Variants in LRRIQ1 observed in about 807,000 individuals in gnomAD.
LRRIQ1 encodes leucine rich repeats and IQ motif containing 1.
A neutral mutation model predicts 211.9 loss-of-function variants in LRRIQ1; 210 were observed. That is an observed-to-expected ratio of 0.99 (90% CI 0.89 to 1.11). The LOEUF (loss-of-function observed/expected upper bound fraction) is 1.11, where lower values mean the gene tolerates loss of function less well. LRRIQ1 is among the 50% of genes most tolerant of loss of function. The pLI, the probability that LRRIQ1 is intolerant of heterozygous loss-of-function variation, is 0.00. For missense variants in LRRIQ1, 2,136 were observed against 1,939.5 expected (o/e 1.10, Z -1.90); for synonymous variants, 699 against 650.1 (o/e 1.08, Z -1.14).
chr12:85,143,981 G>A lies in LRRIQ1; in HGVS notation c.4329+6012G>A, dbSNP rs146158291. 2.4e-4 allele frequency among the ~76,000 whole-genome samples: 37 copies of A among 151,600 alleles called. No homozygotes were observed. In the East Asian group the frequency reaches 4.5e-3, roughly 18 times the overall value. ...TTGCTATATAGGTAAATTACGTGTC[G>A]TGGGGTTTGAAGTACAGATTATCAC... is the stretch of plus-strand genomic sequence containing the variant. On this transcript the variant is annotated intron_variant, in intron 19 of 26. Transcript: ENST00000393217.
At chr12:85,055,105 A>G (rs1233594795) in intron 7 of LRRIQ1, among the ~76,000 whole-genome samples, 1 of 152,086 alleles carries the variant, frequency 6.6e-6, no homozygotes, top group African/African-American at 2.4e-5. Flanking sequence ...AAGTTTCACA[A>G]AATAATTCCT....
intron 23 of LRRIQ1, among the ~76,000 whole-genome samples, chr12:85,156,062 T>A (rs976264353): frequency 2.0e-5 from 3 of 151,686 alleles, no homozygotes; most frequent in Non-Finnish European, 3.0e-5. Flanking sequence ...ACTTAACATT[T>A]TGGGTTAGGT....
chr12:85,064,206 A>G (rs1039154443), intron 8 of LRRIQ1, among the ~76,000 whole-genome samples: 1 of 151,762 alleles, frequency 6.6e-6, no homozygotes, highest in Admixed American at 6.6e-5. Context: ...ACTTTTGCAC[A>G]TAAGCCATTT....
chr12:85,187,988 A>G (rs1182441582), intron 24 of LRRIQ1, among the ~76,000 whole-genome samples: 2 of 152,050 alleles, frequency 1.3e-5, no homozygotes, highest in African/African-American at 2.4e-5. Context: ...GGACCAACCT[A>G]CATGTCCTTA....
At chr12:85,216,481 T>A (rs1425780399) in intron 24 of LRRIQ1, among the ~76,000 whole-genome samples, 1 of 150,660 alleles carries the variant, frequency 6.6e-6, no homozygotes, top group East Asian at 1.9e-4. Flanking sequence ...ATATAATTAA[T>A]TTACATATAA....
chr12:85,262,973 A>G, exon 2 of LRRIQ1: 2 of 987,338 alleles, frequency 2.0e-6, no homozygotes, highest in Non-Finnish European at 2.4e-6. Context: ...GACCTTCTAA[A>G]AAAGAACGTA....
chr12:85,215,856 A>T (rs925039511), intron 24 of LRRIQ1, among the ~76,000 whole-genome samples: 2 of 152,208 alleles, frequency 1.3e-5, no homozygotes, highest in Admixed American at 1.3e-4. Flanking sequence ...TATTGAACAA[A>T]TGAAAACAAA....
intron 24 of LRRIQ1, among the ~76,000 whole-genome samples, chr12:85,208,977 A>G (rs941558263): frequency 6.6e-6 from 1 of 152,172 alleles, no homozygotes; most frequent in Non-Finnish European, 1.5e-5. Context: ...GAACACATAG[A>G]GCACTCAGCT....
At chr12:85,066,726 T>A (rs1882472979) in intron 9 of LRRIQ1, 22 bp from the exon 10 acceptor site, 1 of 1,568,010 alleles carries the variant, frequency 6.4e-7, no homozygotes, top group Non-Finnish European at 8.6e-7. Flanking sequence ...ATAAAACTAA[T>A]TACATTTGTT....
intron 7 of LRRIQ1, among the ~76,000 whole-genome samples, chr12:85,053,238 G>A (rs1880544931): frequency 6.6e-6 from 1 of 152,072 alleles, no homozygotes; most frequent in Non-Finnish European, 1.5e-5. Flanking sequence ...AGAGGAGACA[G>A]AGAATGGGGC....
chr12:85,102,149 T>A lies in LRRIQ1; in HGVS notation c.3210-1855T>A, dbSNP rs562540664. On this transcript the variant is annotated intron_variant, in intron 13 of 26. Coordinates refer to ENST00000393217, the MANE Select transcript of LRRIQ1 (RefSeq NM_001079910.2). ...GAATTATATTTATATATATATTGCA[T>A]GTAACAATTATACAGAACGTGCTTG... 3.3e-5 allele frequency among the ~76,000 whole-genome samples: 5 copies of A among 151,762 alleles called. No individual in the cohort carries two copies. In the South Asian group the frequency reaches 1.0e-3, roughly 32 times the overall value.
intron 9 of LRRIQ1, 43 bp downstream of exon 9, chr12:85,065,457 T>C (rs376455356): frequency 4.3e-5 from 61 of 1,423,106 alleles, no homozygotes; most frequent in Middle Eastern, 2.6e-4. Flanking sequence ...TAATAAAATA[T>C]AAAATGGATT....
chr12:85,117,569 A>G (rs1887674546), intron 15 of LRRIQ1, among the ~76,000 whole-genome samples: 1 of 152,170 alleles, frequency 6.6e-6, no homozygotes, highest in Admixed American at 6.5e-5. Context: ...GGTCCACTCT[A>G]GAGATCAAGG....
At chr12:85,093,459 C>T (rs965977980) in intron 11 of LRRIQ1, among the ~76,000 whole-genome samples, 5 of 152,122 alleles carry the variant, frequency 3.3e-5, no homozygotes, top group African/African-American at 4.8e-5. Context: ...TGCACACGTA[C>T]GTGAGAAGAT....
intron 9 of LRRIQ1, 27 bp downstream of exon 9, chr12:85,065,441 A>G: frequency 6.7e-7 from 1 of 1,500,398 alleles, no homozygotes; most frequent in Non-Finnish European, 8.9e-7. Flanking sequence ...ACTGTTATTT[A>G]TTTTATAATA....
chr12:85,256,767 G>T (rs1407168762), intron 1 of LRRIQ1, among the ~76,000 whole-genome samples: 2 of 150,980 alleles, frequency 1.3e-5, no homozygotes, highest in Admixed American at 6.7e-5. Flanking sequence ...TAACGGGAAA[G>T]TTCCATTGAA....
intron 24 of LRRIQ1, among the ~76,000 whole-genome samples, chr12:85,217,528 G>GTT (rs1372506509): frequency 1.7e-5 from 2 of 118,576 alleles, no homozygotes; most frequent in Non-Finnish European, 3.3e-5. Context: ...GTGTGTGTGT[G>GTT]TGTGTGTGTG....
At chr12:85,253,455 C>A (rs1020178956) in intron 1 of LRRIQ1, among the ~76,000 whole-genome samples, 1 of 151,974 alleles carries the variant, frequency 6.6e-6, no homozygotes, top group Non-Finnish European at 1.5e-5. Flanking sequence ...TGGACCAGCA[C>A]CTGTTATTTA....
At chr12:85,038,390 C>T in intron 2 of LRRIQ1, 82 bp downstream of exon 2, 1 of 1,075,354 alleles carries the variant, frequency 9.3e-7, no homozygotes, top group Non-Finnish European at 1.2e-6. Context: ...TTTTTATGTA[C>T]TTCTCATTTT....
Sources: allele counts gnomAD v4.1 joint callset (sites outside exome capture counted in the v4.1 genomes callset), GRCh38; gene constraint gnomAD v4.1.1; transcripts MANE v1.5; gene names NCBI Gene and HGNC (gene_info 2026-07-23, HGNC 2026-07-21).